The following ROBO2 variants were observed in gnomAD, a reference collection of about 807,000 sequenced individuals.
The protein encoded by ROBO2 is roundabout homolog 2.
ROBO2 carries 53 observed loss-of-function variants against 160.8 expected under a neutral mutation model. The ratio of observed to expected loss-of-function variants is 0.33; its 90% CI spans 0.26 to 0.41. The LOEUF is 0.41. Among genes scored for constraint, ROBO2 ranks in the 10% least tolerant of loss-of-function variants. ROBO2 has a pLI of 1.00. For synonymous variants in ROBO2, 664 were observed against 611.7 expected (o/e 1.09, Z -1.26); for missense variants, 1,577 against 1,722.4 (o/e 0.92, Z 1.49).
At chr3:76,022,164 C>G (rs1401831966) in intron 2 of ROBO2, among the ~76,000 whole-genome samples, 1 of 151,794 alleles carries the variant, frequency 6.6e-6, no homozygotes, top group Non-Finnish European at 1.5e-5. Flanking sequence ...GAAACTGCAG[C>G]AACTCAGTCA....
intron 2 of ROBO2, among the ~76,000 whole-genome samples, chr3:76,853,114 G>A (rs2069592417): frequency 6.6e-6 from 1 of 151,882 alleles, no homozygotes; most frequent in African/African-American, 2.4e-5. Flanking sequence ...TTTTTCTAAA[G>A]CACATACTTT....
At chr3:76,409,928 CAT>C (rs2075401957) in intron 2 of ROBO2, among the ~76,000 whole-genome samples, 2 of 152,102 alleles carry the variant, frequency 1.3e-5, no homozygotes, top group South Asian at 4.1e-4. Flanking sequence ...CTCCCCCAAA[CAT>C]GTGTTCACAG....
intron 2 of ROBO2, among the ~76,000 whole-genome samples, chr3:76,552,427 A>C (rs1347354406): frequency 6.6e-6 from 1 of 152,230 alleles, no homozygotes; most frequent in Admixed American, 6.5e-5. Flanking sequence ...AATAATTCAC[A>C]TAGGAGTATT....
intron 2 of ROBO2, among the ~76,000 whole-genome samples, chr3:77,420,370 T>C (rs985985334): frequency 6.6e-6 from 1 of 152,032 alleles, no homozygotes; most frequent in Non-Finnish European, 1.5e-5. Context: ...TCGTGTATCA[T>C]AAAATAAAAT....
intron 2 of ROBO2, among the ~76,000 whole-genome samples, chr3:76,076,482 T>C (rs1214870858): frequency 6.6e-6 from 1 of 152,178 alleles, no homozygotes; most frequent in Non-Finnish European, 1.5e-5. Flanking sequence ...ACTATAGACA[T>C]TATTTTTATA....
intron 2 of ROBO2, among the ~76,000 whole-genome samples, chr3:76,348,789 C>T (rs549265706): frequency 2.0e-5 from 3 of 152,062 alleles, no homozygotes; most frequent in Admixed American, 6.6e-5. Flanking sequence ...GGCCGTCTAA[C>T]CACAAATCTA....
chr3:77,293,006 T>G lies in ROBO2; in HGVS notation c.389-184408T>G, dbSNP rs191249923. ...AAAATTGACGGTTAAACGGGTAAGCTGAGGCTAGATCACCAAAGACATAAA... is the reference window on the plus strand; with the variant it reads ...AAAATTGACGGTTAAACGGGTAAGCGGAGGCTAGATCACCAAAGACATAAA... On this transcript the variant is annotated intron_variant, in intron 2 of 25. Coordinates refer to ENST00000461745, the Ensembl canonical transcript of ROBO2. Among the ~76,000 whole-genome samples the G allele has an allele frequency of 1.1e-3, 167 of 151,302 alleles. 4 individuals are homozygous for G. Among genetic ancestry groups the G allele is most frequent in the East Asian group, 3.4e-3 (17 of 5,074 alleles).
intron 23 of ROBO2, among the ~76,000 whole-genome samples, chr3:77,628,455 G>GT (rs1024014656): frequency 9.7e-5 from 14 of 144,024 alleles, no homozygotes; most frequent in South Asian, 2.3e-4. Context: ...TGTGGGGGGG[G>GT]GGTAATTGTT....
intron 2 of ROBO2, among the ~76,000 whole-genome samples, chr3:76,560,398 T>C (rs1044554513): frequency 3.3e-5 from 5 of 152,040 alleles, no homozygotes; most frequent in African/African-American, 1.2e-4. Flanking sequence ...AAAAGAGCTA[T>C]CAAATATTAT....
intron 2 of ROBO2, among the ~76,000 whole-genome samples, chr3:76,591,927 A>T (rs1444649292): frequency 1.3e-5 from 2 of 152,118 alleles, no homozygotes; most frequent in African/African-American, 4.8e-5. Context: ...GGATTTAGCT[A>T]TTCAAATCCG....
At chr3:77,143,163 T>C (rs967869274) in intron 2 of ROBO2, among the ~76,000 whole-genome samples, 1 of 148,822 alleles carries the variant, frequency 6.7e-6, no homozygotes, top group African/African-American at 2.5e-5. Context: ...CACCATTTTC[T>C]TAAACAGCAG....
At chr3:76,360,390 T>C (rs2108379626) in intron 2 of ROBO2, among the ~76,000 whole-genome samples, 1 of 152,078 alleles carries the variant, frequency 6.6e-6, no homozygotes, top group Admixed American at 6.6e-5. Context: ...CGTGCAGAAA[T>C]TGAGGAAGAA....
At chr3:76,541,089 C>T (rs1396158143) in intron 2 of ROBO2, among the ~76,000 whole-genome samples, 1 of 152,182 alleles carries the variant, frequency 6.6e-6, no homozygotes. Context: ...CATGAGCCAT[C>T]AAATGAAGCC....
At chr3:76,569,812 G>C (rs2084850244) in intron 2 of ROBO2, among the ~76,000 whole-genome samples, 1 of 151,950 alleles carries the variant, frequency 6.6e-6, no homozygotes, top group Non-Finnish European at 1.5e-5. Context: ...CTTATTAAAG[G>C]ACCCAGAACA....
At chr3:75,919,564 G>A (rs1946943656) in intron 1 of ROBO2, among the ~76,000 whole-genome samples, 1 of 152,152 alleles carries the variant, frequency 6.6e-6, no homozygotes, top group South Asian at 2.1e-4. Context: ...ATGAGTTAGG[G>A]AGGAGTCCCT....
chr3:77,052,819 T>G (rs2065351408), intron 1 of ROBO2, among the ~76,000 whole-genome samples: 1 of 152,204 alleles, frequency 6.6e-6, no homozygotes, highest in Non-Finnish European at 1.5e-5. Context: ...AACAGCCAAA[T>G]AGCATTTTTG....
intron 2 of ROBO2, among the ~76,000 whole-genome samples, chr3:77,168,596 C>T (rs1192966971): frequency 6.6e-6 from 1 of 152,018 alleles, no homozygotes; most frequent in African/African-American, 2.4e-5. Flanking sequence ...TATTTTTCAC[C>T]TATCCTCTCA....
intron 2 of ROBO2, among the ~76,000 whole-genome samples, chr3:77,252,270 G>A (rs922720644): frequency 2.0e-5 from 3 of 151,992 alleles, no homozygotes; most frequent in Non-Finnish European, 4.4e-5. Flanking sequence ...CATCAGAATG[G>A]CCTTGAATAT....
intron 11 of ROBO2, 117 bp from the exon 13 acceptor site, chr3:77,564,835 GTT>G: frequency 1.2e-6 from 1 of 838,022 alleles, no homozygotes; most frequent in Non-Finnish European, 2.0e-6. Context: ...TACTTCAAGT[GTT>G]GTGTGTGTGT....
Sources: allele counts gnomAD v4.1 joint callset (sites outside exome capture counted in the v4.1 genomes callset), GRCh38; gene constraint gnomAD v4.1.1; transcripts MANE v1.5; gene names NCBI Gene and HGNC (gene_info 2026-07-23, HGNC 2026-07-21).